The following PIBF1 variants were observed in gnomAD, a reference collection of about 807,000 sequenced individuals.
PIBF1 encodes progesterone-induced-blocking factor 1.
Under a neutral mutation model 112.5 loss-of-function variants are expected in PIBF1, and 90 were observed. The observed-to-expected ratio is 0.80, with a 90% CI of 0.67 to 0.95. The LOEUF is 0.95. PIBF1 is among the 40% of genes least tolerant of loss of function. The pLI is 0.00. For synonymous variants in PIBF1, 301 were observed against 288.6 expected, an observed-to-expected ratio of 1.04 and a Z score of -0.44; for missense variants, 915 against 852.3, an observed-to-expected ratio of 1.07 and a Z score of -0.92.
chr13:72,803,266 TTG>T (rs146134408), intron 5 of PIBF1, among the ~76,000 whole-genome samples: 45,123 of 149,476 alleles, frequency 0.3, 8,029 homozygotes, highest in African/African-American at 0.52. Context: ...TTTTTGTTTT[TTG>T]TTTTTTTCCT....
In PIBF1 at chr13:72,821,844, T is replaced by A; in HGVS notation, c.673-5T>A. ...GAAATGTGTTATTATTCCTTTGGTT[T>A]ATAGACATATGAGGAAGATCGAAAA... On this transcript the variant is annotated splice_polypyrimidine_tract_variant and splice_region_variant and intron_variant, in intron 5 of 17. Transcript: ENST00000326291. 1 of 1,608,104 alleles carries A rather than the reference T, an allele frequency of 6.2e-7. No homozygotes were observed. Among genetic ancestry groups the A allele is most frequent in the South Asian group, 1.1e-5 (1 of 90,316 alleles).
intron 11 of PIBF1, among the ~76,000 whole-genome samples, chr13:72,899,455 T>G (rs2040404475): frequency 6.6e-6 from 1 of 152,210 alleles, no homozygotes; most frequent in Non-Finnish European, 1.5e-5. Flanking sequence ...CCAGGGATGC[T>G]GGATGGTTTA....
At chr13:72,994,071 C>T (rs2043566210) in intron 16 of PIBF1, among the ~76,000 whole-genome samples, 2 of 151,424 alleles carry the variant, frequency 1.3e-5, no homozygotes, top group South Asian at 4.2e-4. Flanking sequence ...CATATTTGCA[C>T]CACCGCACTA....
intron 10 of PIBF1, among the ~76,000 whole-genome samples, chr13:72,891,360 TG>T (rs1263120028): frequency 1.3e-5 from 2 of 152,204 alleles, no homozygotes; most frequent in African/African-American, 4.8e-5. Context: ...ATATGGTCTC[TG>T]TATGTCCTAG....
At chr13:72,863,657 C>CAA (rs529449867) in intron 10 of PIBF1, among the ~76,000 whole-genome samples, 20 of 54,314 alleles carry the variant, frequency 3.7e-4, no homozygotes, top group African/African-American at 6.8e-4. Context: ...GACTCCGTCT[C>CAA]AAAAAAAAAA....
chr13:72,946,820 C>T (rs1478885026), intron 14 of PIBF1, among the ~76,000 whole-genome samples: 10 of 152,222 alleles, frequency 6.6e-5, no homozygotes, highest in African/African-American at 2.2e-4. Context: ...TGGGCTCCCA[C>T]GGTCTTGGGC....
At chr13:72,970,834 T>C (rs1325200362) in intron 15 of PIBF1, 1 of 152,166 alleles carries the variant, frequency 6.6e-6, no homozygotes, top group East Asian at 1.9e-4. Context: ...TGTTAAAGGT[T>C]GTCTCCCTGT....
chr13:72,967,731 A>C (rs1271718685), intron 15 of PIBF1, among the ~76,000 whole-genome samples: 2 of 152,168 alleles, frequency 1.3e-5, no homozygotes, highest in African/African-American at 4.8e-5. Context: ...TTGCTATTAC[A>C]TATTTTCTCT....
At chr13:72,847,247 GAAAC>G (rs1450482907) in intron 9 of PIBF1, among the ~76,000 whole-genome samples, 2 of 152,270 alleles carry the variant, frequency 1.3e-5, no homozygotes, top group African/African-American at 2.4e-5. Flanking sequence ...TTCATATCTA[GAAAC>G]AAACAAAAAT....
intron 10 of PIBF1, among the ~76,000 whole-genome samples, chr13:72,890,990 A>G (rs2040033825): frequency 6.6e-6 from 1 of 152,190 alleles, no homozygotes; most frequent in Non-Finnish European, 1.5e-5. Context: ...GCTTCAGTTT[A>G]TGAAACTTAG....
rs1566458861 is a variant in PIBF1, at chr13:72,928,044, T to TACATATATATACATATATATATATATAC, written c.1731-3110_1731-3109insCATATATATATATATACACATATATATA. On this transcript the variant is annotated intron_variant, in intron 13 of 17. Coordinates refer to ENST00000326291, the MANE Select transcript of PIBF1 (RefSeq NM_006346.4). Reference sequence around the variant, plus strand: ...ATATATACATATATATATATATATATACATATATATATGAGGAAATGTGTT... The same window carrying TACATATATATACATATATATATATATAC: ...ATATATACATATATATATATATATATACATATATATACATATATATATATATACACATATATATATGAGGAAATGTGTT... 2.9e-3 allele frequency among the ~76,000 whole-genome samples: 377 copies of TACATATATATACATATATATATATATAC among 129,992 alleles called. 6 individuals are homozygous for TACATATATATACATATATATATATATAC. Among genetic ancestry groups the TACATATATATACATATATATATATATAC allele is most frequent in the African/African-American group, 9.8e-3 (338 of 34,646 alleles). The allele number at this position is 129,992 out of a possible 152,430, so 85.3% of individuals were successfully genotyped here.
chr13:72,963,603 A>G (rs2042663163), intron 14 of PIBF1, among the ~76,000 whole-genome samples: 1 of 152,138 alleles, frequency 6.6e-6, no homozygotes, highest in Non-Finnish European at 1.5e-5. Flanking sequence ...CAAAATAAGT[A>G]AGTAAGTAAA....
intron 9 of PIBF1, among the ~76,000 whole-genome samples, chr13:72,851,275 G>A (rs1418859637): frequency 1.3e-5 from 2 of 152,198 alleles, no homozygotes; most frequent in Admixed American, 1.3e-4. Context: ...ACTATCTTCG[G>A]CCTAGGGAGC....
chr13:72,881,816 A>C (rs2039651315), intron 10 of PIBF1, among the ~76,000 whole-genome samples: 1 of 152,158 alleles, frequency 6.6e-6, no homozygotes, highest in South Asian at 2.1e-4. Context: ...GATATATTCC[A>C]TGTTCATGGA....
chr13:72,790,575 A>G (rs756165991), intron 2 of PIBF1, among the ~76,000 whole-genome samples: 2 of 151,890 alleles, frequency 1.3e-5, no homozygotes, highest in Non-Finnish European at 2.9e-5. Flanking sequence ...AAATCAGCAT[A>G]TAGGTGGCAC....
chr13:72,994,145 G>A (rs9600054), intron 16 of PIBF1, among the ~76,000 whole-genome samples: 3,995 of 152,058 alleles, frequency 0.026, 72 homozygotes, highest in Non-Finnish European at 0.04. Flanking sequence ...GAGAAAGGGA[G>A]GTAGAGGCCG....
chr13:72,851,625 T>A (rs1392895878), intron 9 of PIBF1, among the ~76,000 whole-genome samples: 1 of 152,152 alleles, frequency 6.6e-6, no homozygotes, highest in Non-Finnish European at 1.5e-5. Flanking sequence ...AAGGGGTGGG[T>A]CCCTGGTGAA....
At chr13:72,918,018 G>GA (rs2041160396) in intron 13 of PIBF1, among the ~76,000 whole-genome samples, 1 of 152,146 alleles carries the variant, frequency 6.6e-6, no homozygotes. Flanking sequence ...TATGCTAACA[G>GA]AAAATTATAC....
chr13:72,795,548 A>T lies in PIBF1; in HGVS notation c.543A>T (p.Glu181Asp). 2 of 1,527,172 alleles carry T rather than the reference A, an allele frequency of 1.3e-6. No individual in the cohort carries two copies. The highest frequency in any genetic ancestry group is 1.8e-6 in the Non-Finnish European group (2 of 1,112,418). The allele number at this position is 1,527,172 out of a possible 1,614,324, so 94.6% of individuals were successfully genotyped here. ...CTGAAGATCAGCTTTCTATTCCTGA[A>T]TATGTATCTGTAAGTATCTTATATC... ...AFPEDQLSIP[E>D]YVSVRFYELV... is the part of the protein sequence containing the mutation. The change falls in exon 4 of 18, where the codon GAA becomes GAT. Residue 181 changes from glutamate to aspartate, a missense_variant. By Grantham distance (45) the Glu-to-Asp change is conservative. Transcript: ENST00000326291.
Sources: gnomAD v4.1 joint callset for allele counts (sites outside exome capture counted in the v4.1 genomes callset) on GRCh38, gnomAD v4.1.1 for gene constraint, MANE v1.5 for transcripts, NCBI Gene and HGNC (gene_info 2026-07-23, HGNC 2026-07-21) for gene names.